SPMIP3: variants seen among roughly 807,000 people sequenced by gnomAD.
SPMIP3 encodes protein SPMIP3.
At chr1:244,352,945 T>C in the SPMIP3 span, among the ~76,000 whole-genome samples, 4 of 152,220 alleles carry the variant, frequency 2.6e-5, no homozygotes, top group African/African-American at 9.7e-5. Context: ...TAGTTTTAAC[T>C]CAACGTGTCT....
the SPMIP3 span, among the ~76,000 whole-genome samples, chr1:244,385,102 A>T: frequency 6.6e-6 from 1 of 152,156 alleles, no homozygotes; most frequent in Non-Finnish European, 1.5e-5. Context: ...AGGTTTCACC[A>T]TCATGGTCTC....
At chr1:244,384,186 G>C in the SPMIP3 span, among the ~76,000 whole-genome samples, 9 of 152,242 alleles carry the variant, frequency 5.9e-5, no homozygotes, top group Admixed American at 2.0e-4. Flanking sequence ...AGAGTCAGGA[G>C]GAAATTGCAG....
At chr1:244,356,350 C>T in the SPMIP3 span, among the ~76,000 whole-genome samples, 1 of 152,100 alleles carries the variant, frequency 6.6e-6, no homozygotes, top group Non-Finnish European at 1.5e-5. Context: ...TTATTAAGTT[C>T]TTTACTATTA....
the SPMIP3 span, among the ~76,000 whole-genome samples, chr1:244,374,109 T>C: frequency 1.3e-5 from 2 of 152,248 alleles, no homozygotes; most frequent in Admixed American, 6.5e-5. Context: ...TGAGACTCCG[T>C]CTCAAAATAA....
the SPMIP3 span, among the ~76,000 whole-genome samples, chr1:244,386,559 T>C: frequency 2.0e-5 from 3 of 152,194 alleles, no homozygotes; most frequent in African/African-American, 7.2e-5. Flanking sequence ...AGTTGCTGAA[T>C]GGAATTCCTC....
chr1:244,376,739 T>C, the SPMIP3 span, among the ~76,000 whole-genome samples: 8 of 152,264 alleles, frequency 5.3e-5, no homozygotes, highest in Non-Finnish European at 1.2e-4. Flanking sequence ...ATAATTCAAT[T>C]GAAACCTTTG....
chr1:244,357,269 A>G, the SPMIP3 span, among the ~76,000 whole-genome samples: 1 of 152,108 alleles, frequency 6.6e-6, no homozygotes, highest in Non-Finnish European at 1.5e-5. Flanking sequence ...AACGTACAGT[A>G]TGGCAAATGG....
At chr1:244,373,278 T>C in the SPMIP3 span, among the ~76,000 whole-genome samples, 2 of 137,540 alleles carry the variant, frequency 1.5e-5, no homozygotes, top group African/African-American at 5.4e-5. Flanking sequence ...TCATGAACCT[T>C]GTTAAACATC....
chr1:244,381,052 A>AG, the SPMIP3 span, among the ~76,000 whole-genome samples: 3 of 151,810 alleles, frequency 2.0e-5, no homozygotes, highest in Admixed American at 2.0e-4. Context: ...AGGTGCTGGG[A>AG]GGGCGTGCAG....
chr1:244,366,750 C>T, the SPMIP3 span, among the ~76,000 whole-genome samples: 4 of 152,016 alleles, frequency 2.6e-5, no homozygotes, highest in Non-Finnish European at 5.9e-5. Context: ...CGTGGTGGCA[C>T]ACACCTGGAA....
the SPMIP3 span, among the ~76,000 whole-genome samples, chr1:244,370,200 C>T: frequency 6.6e-6 from 1 of 152,188 alleles, no homozygotes; most frequent in Admixed American, 6.5e-5. Flanking sequence ...ACAAATGTCT[C>T]GTTTACTCTC....
chr1:244,378,664 C>A, the SPMIP3 span: 1 of 1,599,468 alleles, frequency 6.3e-7, no homozygotes, highest in Non-Finnish European at 8.5e-7. Context: ...CTGCTCTTAA[C>A]TCTCTGAGAT....
the SPMIP3 span, chr1:244,364,863 C>A: frequency 8.4e-7 from 1 of 1,195,936 alleles, no homozygotes; most frequent in Non-Finnish European, 1.2e-6. Flanking sequence ...AGACTACTGC[C>A]AGGGAGTTCT....
chr1:244,370,437 G>A, the SPMIP3 span, among the ~76,000 whole-genome samples: 20 of 152,244 alleles, frequency 1.3e-4, no homozygotes, highest in African/African-American at 3.4e-4. Flanking sequence ...CTTATCAGGC[G>A]TAGCACTCAC....
the SPMIP3 span, among the ~76,000 whole-genome samples, chr1:244,365,567 C>A: frequency 1.3e-5 from 2 of 152,166 alleles, no homozygotes; most frequent in Non-Finnish European, 2.9e-5. Context: ...AATACCCAGT[C>A]TCGGGTATTT....
the SPMIP3 span, among the ~76,000 whole-genome samples, chr1:244,364,483 G>A: frequency 6.6e-6 from 1 of 151,824 alleles, no homozygotes; most frequent in Non-Finnish European, 1.5e-5. Context: ...ACATCTGTGT[G>A]TATTTGCCTT....
the SPMIP3 span, among the ~76,000 whole-genome samples, chr1:244,353,077 T>C: frequency 3.9e-5 from 6 of 152,308 alleles, no homozygotes; most frequent in East Asian, 3.9e-4. Flanking sequence ...AGCTGATCGA[T>C]TGATTTATTC....
chr1:244,378,429 T>C, the SPMIP3 span: 1 of 1,568,090 alleles, frequency 6.4e-7, no homozygotes, highest in South Asian at 1.2e-5. Flanking sequence ...TGCTTTTTTC[T>C]ACTGGCTTTT....
chr1:244,356,522 T>C, the SPMIP3 span, among the ~76,000 whole-genome samples: 1 of 152,226 alleles, frequency 6.6e-6, no homozygotes, highest in Admixed American at 6.5e-5. Context: ...TCATTTATCT[T>C]GGCTCACCTT....
Sources: gnomAD v4.1 joint callset for allele counts (sites outside exome capture counted in the v4.1 genomes callset) on GRCh38, gnomAD v4.1.1 for gene constraint, MANE v1.5 for transcripts, NCBI Gene and HGNC (gene_info 2026-07-23, HGNC 2026-07-21) for gene names.